Variants in ENOX2 observed in about 807,000 individuals in gnomAD.
ENOX2 encodes ecto-NOX disulfide-thiol exchanger 2, also known as APK1 antigen.
In ENOX2, 36 loss-of-function variants were observed where a neutral mutation model predicts 45.0. That is an observed-to-expected ratio of 0.80 (90% CI 0.61 to 1.06). The LOEUF (loss-of-function observed/expected upper bound fraction) is 1.06. ENOX2 is among the 50% of genes least tolerant of loss of function. ENOX2 has a pLI of 0.00. For missense variants in ENOX2, 423 were observed against 462.5 expected (o/e 0.91, Z 0.78); for synonymous variants, 174 against 152.3 (o/e 1.14, Z -1.05).
chrX:130,693,968 C>T (rs2037685294), intron 4 of ENOX2, among the ~76,000 whole-genome samples: 1 of 111,509 alleles, frequency 9.0e-6, no homozygotes, highest in Non-Finnish European at 1.9e-5. Flanking sequence ...GAAGATGGAT[C>T]CAGCTGAGCC....
intron 4 of ENOX2, among the ~76,000 whole-genome samples, chrX:130,695,831 T>C (rs2037743946): frequency 9.0e-6 from 1 of 111,644 alleles, no homozygotes; most frequent in Admixed American, 9.5e-5. Context: ...TAAAAGACTT[T>C]TTAGGCAGTC....
chrX:130,741,032 A>T (rs1255844336), intron 3 of ENOX2, among the ~76,000 whole-genome samples: 1 of 111,993 alleles, frequency 8.9e-6, no homozygotes, highest in African/African-American at 3.2e-5. Context: ...TAAATAGGAA[A>T]TGTAATAAAG....
At chrX:130,733,636 C>G (rs762974574) in intron 3 of ENOX2, among the ~76,000 whole-genome samples, 2 of 112,246 alleles carry the variant, frequency 1.8e-5, no homozygotes, top group Non-Finnish European at 3.8e-5. Flanking sequence ...TGGATACACA[C>G]GATTATTCAA....
intron 2 of ENOX2, among the ~76,000 whole-genome samples, chrX:130,883,735 C>G (rs2078858292): frequency 9.0e-6 from 1 of 111,134 alleles, no homozygotes; most frequent in Admixed American, 9.6e-5. Flanking sequence ...CTGCCCTTCA[C>G]TCCTCTAAAA....
chrX:130,728,313 C>T (rs2038656539), intron 3 of ENOX2, among the ~76,000 whole-genome samples: 1 of 111,566 alleles, frequency 9.0e-6, no homozygotes, highest in Non-Finnish European at 1.9e-5. Context: ...TGGTGGGGTG[C>T]CTATTGTGAG....
chrX:130,635,051 G>C lies in ENOX2; in HGVS notation c.1352C>G (p.Ala451Gly). ...GTCATCTTTGAGTTTTTCAAGTTCA[G>C]CTTCTTTCTTTTTGTATTCCTCTTG... ...KVQEEYKKKE[A>G]ELEKLKDDKL... The change falls in exon 12 of 15, where the codon GCT becomes GGT. Residue 451 changes from alanine to glycine, a missense_variant. By Grantham distance (60) the Ala-to-Gly change is moderately conservative (BLOSUM62 0). This residue lies in a region of ENOX2 where 108 missense variants were observed against 70.6 expected (regional missense o/e 1.53). Transcript: ENST00000394363. 1 of 1,190,469 alleles carries C rather than the reference G, an allele frequency of 8.4e-7. No individual in the cohort carries two copies. The highest frequency in any genetic ancestry group is 1.1e-6 in the Non-Finnish European group (1 of 878,536).
At chrX:130,657,869 T>C (rs1220340217) in intron 9 of ENOX2, among the ~76,000 whole-genome samples, 1 of 111,882 alleles carries the variant, frequency 8.9e-6, no homozygotes, top group Non-Finnish European at 1.9e-5. Flanking sequence ...AGACCAACAC[T>C]GAAATCACCT....
chrX:130,799,295 C>T (rs1287483523), intron 2 of ENOX2, among the ~76,000 whole-genome samples: 1 of 111,823 alleles, frequency 8.9e-6, no homozygotes, highest in African/African-American at 3.3e-5. Context: ...AACTCTTGGA[C>T]TTATATCAGT....
intron 3 of ENOX2, chrX:130,709,094 A>C (rs769469003): frequency 4.6e-6 from 2 of 431,710 alleles, no homozygotes; most frequent in Non-Finnish European, 8.1e-6. Context: ...TGTAGCAGCC[A>C]TATTTGTTAA....
Position 130,625,271 on chromosome X carries a change from C to T in ENOX2, c.*43G>A. ...TAAATCACTTTCTATGCTTGTCCAA[C>T]ACATATTTATCTTCAGGATCCCAAG... On this transcript the variant is annotated 3_prime_UTR_variant, in exon 15 of 15. Coordinates refer to ENST00000394363, the MANE Select transcript of ENOX2 (RefSeq NM_006375.4). 8.4e-7 allele frequency: 1 copy of T among 1,183,895 alleles called. No individual in the cohort carries two copies. The highest frequency in any genetic ancestry group is 1.1e-6 in the Non-Finnish European group (1 of 876,756).
chrX:130,880,771 C>A (rs1246367206), intron 2 of ENOX2, among the ~76,000 whole-genome samples: 1 of 112,218 alleles, frequency 8.9e-6, no homozygotes. Flanking sequence ...CAAGACTTAA[C>A]AGCCAACCCT....
chrX:130,631,801 A>AC (rs1177256049), intron 12 of ENOX2, among the ~76,000 whole-genome samples: 2 of 105,748 alleles, frequency 1.9e-5, no homozygotes, highest in African/African-American at 6.9e-5. Context: ...ATTTACCTTC[A>AC]CCAGTTTTTT....
rs372458010 is a variant in ENOX2 at position 130,672,387 on chromosome X, G to C, written c.461-2189C>G. On this transcript the variant is annotated intron_variant, in intron 6 of 14. Transcript: ENST00000394363. ...AGCCTGCTGGCCCGGTCCTGGTGGA[G>C]TCCCTCCAGGGCCCCCGCACACCAT... Among the ~76,000 whole-genome samples the C allele has an allele frequency of 4.5e-5, 5 of 112,240 alleles. No homozygotes were observed. The East Asian group carries it at 1.4e-3, about 32-fold the overall frequency.
At chrX:130,706,160 C>A (rs1245517279) in intron 3 of ENOX2, among the ~76,000 whole-genome samples, 1 of 112,073 alleles carries the variant, frequency 8.9e-6, no homozygotes, top group African/African-American at 3.2e-5. Context: ...TTACTATATG[C>A]CATGCTGTTT....
At chrX:130,683,568 C>T (rs906388543) in intron 5 of ENOX2, among the ~76,000 whole-genome samples, 1 of 111,600 alleles carries the variant, frequency 9.0e-6, no homozygotes, top group Non-Finnish European at 1.9e-5. Flanking sequence ...AGATGATATT[C>T]CATTACTTAT....
At chrX:130,812,248 C>G (rs1395536042) in intron 2 of ENOX2, among the ~76,000 whole-genome samples, 1 of 111,552 alleles carries the variant, frequency 9.0e-6, no homozygotes, top group Non-Finnish European at 1.9e-5. Flanking sequence ...CCAAAAAAGA[C>G]TATACTCAGA....
chrX:130,834,454 T>C (rs1187250644), intron 2 of ENOX2, among the ~76,000 whole-genome samples: 1 of 111,670 alleles, frequency 9.0e-6, no homozygotes, highest in African/African-American at 3.3e-5. Context: ...TTGTTCCTCT[T>C]TTTTTTCCCC....
chrX:130,669,867 G>A (rs2036931477), intron 7 of ENOX2, 98 bp downstream of exon 7: 2 of 614,552 alleles, frequency 3.3e-6, no homozygotes, highest in Admixed American at 5.6e-5. Context: ...CCATTAGTAG[G>A]AAACTCAAAG....
At chrX:130,849,657 G>A (rs1382374356) in intron 2 of ENOX2, among the ~76,000 whole-genome samples, 4 of 112,192 alleles carry the variant, frequency 3.6e-5, no homozygotes, top group South Asian at 3.7e-4. Context: ...GCAGAATGTC[G>A]TGGAAAGAAC....
Sources: allele counts gnomAD v4.1 joint callset (sites outside exome capture counted in the v4.1 genomes callset), GRCh38; gene constraint gnomAD v4.1.1; regional missense constraint gnomAD v4.1.1; transcripts MANE v1.5; gene names NCBI Gene and HGNC (gene_info 2026-07-23, HGNC 2026-07-21).